Variants in THSD4 observed in about 807,000 individuals in gnomAD.
The protein encoded by THSD4 is thrombospondin type 1 domain containing 4.
THSD4 carries 69 observed loss-of-function variants against 119.0 expected under a neutral mutation model. The ratio of observed to expected loss-of-function variants is 0.58; its 90% CI spans 0.48 to 0.71. The LOEUF is 0.71. THSD4 is among the 30% of genes least tolerant of loss of function. The pLI is 0.00. For missense variants in THSD4, 1,393 were observed against 1,391.1 expected (o/e 1.00, Z -0.02); for synonymous variants, 524 against 540.4 (o/e 0.97, Z 0.42).
At chr15:71,495,463 G>A (rs1457755411) in intron 7 of THSD4, among the ~76,000 whole-genome samples, 1 of 152,024 alleles carries the variant, frequency 6.6e-6, no homozygotes, top group Non-Finnish European at 1.5e-5. Flanking sequence ...ACTTCACCCT[G>A]CCAATACCAC....
At chr15:71,700,786 A>C (rs1215985429) in intron 8 of THSD4, among the ~76,000 whole-genome samples, 1 of 152,152 alleles carries the variant, frequency 6.6e-6, no homozygotes, top group Non-Finnish European at 1.5e-5. Context: ...AGCACATTTA[A>C]ATAATTGAGG....
chr15:71,544,301 T>C (rs2048804382), intron 7 of THSD4, among the ~76,000 whole-genome samples: 1 of 152,202 alleles, frequency 6.6e-6, no homozygotes, highest in Admixed American at 6.5e-5. Context: ...ATAAGACTGT[T>C]GTCATGGTTA....
At chr15:71,229,601 A>G (rs1485967103) in intron 4 of THSD4, among the ~76,000 whole-genome samples, 1 of 152,238 alleles carries the variant, frequency 6.6e-6, no homozygotes, top group African/African-American at 2.4e-5. Context: ...TGAGGCAACC[A>G]TCCATTTTTT....
chr15:71,325,446 A>G (rs1419282241), intron 6 of THSD4, among the ~76,000 whole-genome samples: 1 of 152,218 alleles, frequency 6.6e-6, no homozygotes, highest in Non-Finnish European at 1.5e-5. Context: ...GTCTGCATGT[A>G]TGTAGAGCTG....
chr15:71,479,294 A>G (rs2047693988), intron 7 of THSD4, among the ~76,000 whole-genome samples: 1 of 147,316 alleles, frequency 6.8e-6, no homozygotes, highest in Non-Finnish European at 1.5e-5. Context: ...AACATTCTCC[A>G]TCTCCATTTG....
At chr15:71,580,591 G>T (rs1385114706) in intron 7 of THSD4, among the ~76,000 whole-genome samples, 1 of 152,022 alleles carries the variant, frequency 6.6e-6, no homozygotes, top group East Asian at 1.9e-4. Context: ...TATTTATCTT[G>T]TGTAACTGAA....
chr15:71,151,362 T>A (rs2040720914), intron 2 of THSD4, among the ~76,000 whole-genome samples: 1 of 151,760 alleles, frequency 6.6e-6, no homozygotes, highest in African/African-American at 2.4e-5. Context: ...AGGTGTAACA[T>A]GTTTATGGAG....
chr15:71,408,898 G>T (rs938228422), intron 6 of THSD4, among the ~76,000 whole-genome samples: 1 of 152,160 alleles, frequency 6.6e-6, no homozygotes, highest in Non-Finnish European at 1.5e-5. Context: ...TCTATGCAGG[G>T]TCTAGAGAAG....
At chr15:71,320,144 G>A (rs1463056611) in intron 6 of THSD4, among the ~76,000 whole-genome samples, 1 of 152,126 alleles carries the variant, frequency 6.6e-6, no homozygotes, top group Non-Finnish European at 1.5e-5. Flanking sequence ...CCCGAAGTTG[G>A]CCTTTGGATG....
intron 6 of THSD4, among the ~76,000 whole-genome samples, chr15:71,299,325 A>C (rs1004822839): frequency 6.6e-6 from 1 of 152,234 alleles, no homozygotes; most frequent in Admixed American, 6.5e-5. Context: ...AAGGAAGACC[A>C]CTGGAGGCAG....
chr15:71,366,789 G>A (rs545235945), intron 6 of THSD4, among the ~76,000 whole-genome samples: 55 of 152,182 alleles, frequency 3.6e-4, no homozygotes, highest in African/African-American at 1.2e-3. Flanking sequence ...CATACCACTG[G>A]ACACCCAATC....
intron 7 of THSD4, among the ~76,000 whole-genome samples, chr15:71,641,474 G>T (rs772434672): frequency 6.6e-6 from 1 of 152,006 alleles, no homozygotes; most frequent in Non-Finnish European, 1.5e-5. Context: ...CAGGTACTGT[G>T]AGGAAGGCTT....
At chr15:71,424,994 G>A (rs1353689636) in intron 7 of THSD4, among the ~76,000 whole-genome samples, 1 of 152,080 alleles carries the variant, frequency 6.6e-6, no homozygotes, top group Non-Finnish European at 1.5e-5. Flanking sequence ...GAGTCAGAAT[G>A]ACCCCAAGGC....
intron 6 of THSD4, among the ~76,000 whole-genome samples, chr15:71,380,008 G>A (rs966530531): frequency 7.9e-5 from 12 of 152,246 alleles, no homozygotes; most frequent in African/African-American, 2.2e-4. Context: ...AGCTGGACTG[G>A]TTAAAGCTTG....
intron 7 of THSD4, among the ~76,000 whole-genome samples, chr15:71,508,563 G>A (rs1042665241): frequency 6.6e-6 from 1 of 152,172 alleles, no homozygotes; most frequent in African/African-American, 2.4e-5. Context: ...GCGGCAGGGG[G>A]TGGGGTGGTG....
Position 71,418,422 on chromosome 15 carries a change from G to T in THSD4, c.1152+6599G>T, listed in dbSNP as rs997685136. ...TCATATATGACTTAATTATGTTAAG[G>T]CATGTTCCTTCTATACCCAACTTTT... On this transcript the variant is annotated intron_variant, in intron 7 of 17. Coordinates refer to ENST00000261862, the MANE Select transcript of THSD4 (RefSeq NM_024817.3). Among the ~76,000 whole-genome samples, 23 of 108,402 alleles carry T rather than the reference G, an allele frequency of 2.1e-4. 9 individuals are homozygous for T. Among genetic ancestry groups the T allele is most frequent in the Non-Finnish European group, 3.3e-4 (16 of 49,112 alleles). 71.1% of individuals were successfully genotyped at this position (108,402 alleles called of 152,430 possible). A position where few individuals can be genotyped will look rare whatever the true frequency, so the allele number is the denominator to read the frequency against.
chr15:71,193,449 A>C (rs611564), intron 3 of THSD4, among the ~76,000 whole-genome samples: 130,593 of 152,166 alleles, frequency 0.86, 58,327 homozygotes, highest in East Asian at 1. Flanking sequence ...CTGTAATGAT[A>C]CATGACTTAG....
intron 13 of THSD4, among the ~76,000 whole-genome samples, 197 bp downstream of exon 13, chr15:71,747,239 C>T (rs962672468): frequency 6.6e-6 from 1 of 152,144 alleles, no homozygotes; most frequent in Non-Finnish European, 1.5e-5. Flanking sequence ...GTGTGTGCCA[C>T]CCACAGCCAA....
chr15:71,457,894 TCTTCCTCAC>T (rs2047363000), intron 7 of THSD4, among the ~76,000 whole-genome samples: 1 of 152,224 alleles, frequency 6.6e-6, no homozygotes, highest in Non-Finnish European at 1.5e-5. Flanking sequence ...TCTTAGTCCA[TCTTCCTCAC>T]CGTTGGATTT....
Sources: gnomAD v4.1 joint callset for allele counts (sites outside exome capture counted in the v4.1 genomes callset) on GRCh38, gnomAD v4.1.1 for gene constraint, MANE v1.5 for transcripts, NCBI Gene and HGNC (gene_info 2026-07-23, HGNC 2026-07-21) for gene names.